Variants in DNER observed in about 807,000 individuals in gnomAD.
DNER encodes the protein delta/notch like EGF repeat containing, also known as delta and Notch-like epidermal growth factor-related receptor.
A neutral mutation model predicts 78.2 loss-of-function variants in DNER; 33 were observed. The observed-to-expected ratio is 0.42, with a 90% CI of 0.32 to 0.56. DNER has a LOEUF of 0.56. DNER is among the 20% of genes least tolerant of loss of function. The pLI, the probability that DNER is intolerant of heterozygous loss-of-function variation, is 0.11. For missense variants in DNER, 918 were observed against 975.3 expected (o/e 0.94, Z 0.78); for synonymous variants, 417 against 384.8 (o/e 1.08, Z -0.98).
At chr2:229,557,674 GA>G (rs1402788228) in intron 4 of DNER, among the ~76,000 whole-genome samples, 2 of 150,680 alleles carry the variant, frequency 1.3e-5, no homozygotes, top group African/African-American at 4.9e-5. Flanking sequence ...GAGGAAGAAA[GA>G]CTAAGAAGGG....
At chr2:229,518,953 C>CTTTTTTTTTTT (rs11441895) in intron 5 of DNER, among the ~76,000 whole-genome samples, 1 of 145,350 alleles carries the variant, frequency 6.9e-6, no homozygotes. Context: ...TGCGATTACT[C>CTTTTTTTTTTT]TTTTTTTTTT....
Position 229,591,826 on chromosome 2 carries a change from G to T in DNER, c.339C>A (p.Ser113Arg), listed in dbSNP as rs1297124419. 1.0e-5 allele frequency: 16 copies of T among 1,602,732 alleles called. No individual in the cohort carries two copies. The highest frequency in any genetic ancestry group is 1.4e-5 in the Non-Finnish European group (16 of 1,178,846). The change falls in exon 2 of 13, where the codon AGC becomes AGA. Residue 113 changes from serine to arginine, a missense_variant. Ser to Arg is a moderately radical substitution (Grantham distance 110). Coordinates refer to ENST00000341772, the MANE Select transcript of DNER (RefSeq NM_139072.4). The surrounding 1 kb of genome is among the most constrained non-coding windows in gnomAD (Gnocchi z 4.6). ...TGCAGAGGTAGCCATCGCTGCTGCT[G>T]CTGCTGCTGCTGCTGCAGTTGCCAT... ...CHHGNCSSSS[S>R]SSSDGYLCIC... is the part of the protein sequence containing the mutation.
At chr2:229,544,745 G>A (rs1320849202) in intron 5 of DNER, among the ~76,000 whole-genome samples, 1 of 152,104 alleles carries the variant, frequency 6.6e-6, no homozygotes, top group African/African-American at 2.4e-5. Context: ...TGTTGGCCAG[G>A]CTGGTCTCGA....
chr2:229,685,536 C>T (rs546193842), intron 1 of DNER, among the ~76,000 whole-genome samples: 3 of 152,304 alleles, frequency 2.0e-5, no homozygotes, highest in East Asian at 3.9e-4. Flanking sequence ...GCTCAGTAAA[C>T]GCTAGCTGTC....
chr2:229,694,758 T>C (rs945004775), intron 1 of DNER, among the ~76,000 whole-genome samples: 4 of 152,264 alleles, frequency 2.6e-5, no homozygotes, highest in African/African-American at 9.6e-5. Flanking sequence ...CTTTTGATTT[T>C]ACAGGCTCAT....
At chr2:229,679,749 A>G (rs1234004003) in intron 1 of DNER, among the ~76,000 whole-genome samples, 1 of 152,122 alleles carries the variant, frequency 6.6e-6, no homozygotes. Flanking sequence ...ACTTTTCTGC[A>G]TTTGCTCACT....
At chr2:229,636,875 C>A (rs1445518851) in intron 1 of DNER, among the ~76,000 whole-genome samples, 1 of 152,212 alleles carries the variant, frequency 6.6e-6, no homozygotes, top group Non-Finnish European at 1.5e-5. Flanking sequence ...TTCTCCTTCC[C>A]ACTGACCAGA....
chr2:229,588,975 C>T (rs555346590), intron 2 of DNER, among the ~76,000 whole-genome samples: 1 of 152,222 alleles, frequency 6.6e-6, no homozygotes, highest in Non-Finnish European at 1.5e-5. Flanking sequence ...GGTCCAGGAG[C>T]ACATGCTAAG....
chr2:229,568,985 A>G (rs1293340453), intron 4 of DNER, among the ~76,000 whole-genome samples: 1 of 152,134 alleles, frequency 6.6e-6, no homozygotes, highest in East Asian at 1.9e-4. Context: ...ATGTGTATCT[A>G]TGTGTGTGCA....
intron 1 of DNER, among the ~76,000 whole-genome samples, chr2:229,619,022 T>C (rs1303913494): frequency 1.3e-5 from 2 of 152,136 alleles, no homozygotes; most frequent in Non-Finnish European, 2.9e-5. Context: ...CTGGGCACAA[T>C]GACTATACAT....
intron 7 of DNER, among the ~76,000 whole-genome samples, chr2:229,468,172 A>G (rs1251416888): frequency 6.6e-6 from 1 of 152,272 alleles, no homozygotes; most frequent in Non-Finnish European, 1.5e-5. Flanking sequence ...ATTCCTGGGC[A>G]TGGGCCAAGC....
chr2:229,700,085 C>A (rs1471390201), intron 1 of DNER, among the ~76,000 whole-genome samples: 1 of 151,558 alleles, frequency 6.6e-6, no homozygotes, highest in African/African-American at 2.4e-5. Flanking sequence ...AAAAAAAAAT[C>A]TTCCCTCATT....
At chr2:229,687,575 A>G (rs1699506843) in intron 1 of DNER, among the ~76,000 whole-genome samples, 1 of 152,068 alleles carries the variant, frequency 6.6e-6, no homozygotes, top group African/African-American at 2.4e-5. Context: ...CCAAATTTCC[A>G]ACTTCTTTCT....
At chr2:229,581,368 T>C (rs1697394045) in intron 4 of DNER, among the ~76,000 whole-genome samples, 1 of 152,200 alleles carries the variant, frequency 6.6e-6, no homozygotes, top group Non-Finnish European at 1.5e-5. Context: ...AGGACACTAA[T>C]GAGCACCTCC....
At chr2:229,659,095 A>C (rs930446668) in intron 1 of DNER, among the ~76,000 whole-genome samples, 2 of 152,140 alleles carry the variant, frequency 1.3e-5, no homozygotes, top group African/African-American at 4.8e-5. Flanking sequence ...GATGAAGAAA[A>C]CTACAGCTGC....
At chr2:229,442,005 G>C (rs1694246040) in intron 8 of DNER, among the ~76,000 whole-genome samples, 1 of 152,160 alleles carries the variant, frequency 6.6e-6, no homozygotes, top group Non-Finnish European at 1.5e-5. Context: ...GAAGAGTAAA[G>C]CAAACTCTCC....
chr2:229,707,795 T>C (rs1363677867), intron 1 of DNER, among the ~76,000 whole-genome samples: 1 of 152,244 alleles, frequency 6.6e-6, no homozygotes, highest in Non-Finnish European at 1.5e-5. Context: ...TGCCAGCTCA[T>C]GCTCTCTTCA....
At chr2:229,598,366 T>C (rs1697762531) in intron 1 of DNER, among the ~76,000 whole-genome samples, 2 of 152,226 alleles carry the variant, frequency 1.3e-5, no homozygotes, top group Non-Finnish European at 2.9e-5. Context: ...AGGATGCCTA[T>C]AATAGGGGTC....
chr2:229,647,866 T>C (rs1008550136), intron 1 of DNER, among the ~76,000 whole-genome samples: 3 of 152,202 alleles, frequency 2.0e-5, no homozygotes, highest in Non-Finnish European at 4.4e-5. Context: ...CATATACATG[T>C]GAATAATATT....
Sources: gnomAD v4.1 joint callset for allele counts (sites outside exome capture counted in the v4.1 genomes callset) on GRCh38, gnomAD v4.1.1 for gene constraint, Gnocchi (gnomAD v3.1) non-coding constraint, MANE v1.5 for transcripts, NCBI Gene and HGNC (gene_info 2026-07-23, HGNC 2026-07-21) for gene names.